Variants in ST6GALNAC5 observed in about 807,000 individuals in gnomAD.
The protein encoded by ST6GALNAC5 is alpha-N-acetylgalactosaminide alpha-2,6-sialyltransferase 5.
Under a neutral mutation model 33.6 loss-of-function variants are expected in ST6GALNAC5, and 27 were observed. The observed-to-expected ratio is 0.80, with a 90% CI of 0.59 to 1.11. The LOEUF (loss-of-function observed/expected upper bound fraction) is 1.11, where lower values mean the gene tolerates loss of function less well. Among genes scored for constraint, ST6GALNAC5 ranks in the 50% least tolerant of loss-of-function variants. The pLI is 0.00. For synonymous variants in ST6GALNAC5, 194 were observed against 171.2 expected (o/e 1.13, Z -1.04); for missense variants, 428 against 454.0 (o/e 0.94, Z 0.52).
intron 2 of ST6GALNAC5, among the ~76,000 whole-genome samples, chr1:76,882,522 C>T (rs1038483790): frequency 2.0e-5 from 3 of 152,038 alleles, no homozygotes; most frequent in African/African-American, 7.2e-5. Flanking sequence ...GAAAATTAAC[C>T]CTGATCATTG....
chr1:77,054,481 C>G (rs1403716340), intron 4 of ST6GALNAC5, among the ~76,000 whole-genome samples: 1 of 152,190 alleles, frequency 6.6e-6, no homozygotes, highest in African/African-American at 2.4e-5. Context: ...AGAACTTTAA[C>G]AACCTCTGGT....
chr1:76,995,907 G>C (rs1330942453), intron 2 of ST6GALNAC5, among the ~76,000 whole-genome samples: 37 of 152,186 alleles, frequency 2.4e-4, no homozygotes, highest in Admixed American at 2.4e-3. Flanking sequence ...AGCCGAAGAG[G>C]AGATGAAAAC....
At chr1:76,975,683 G>A (rs956895061) in intron 2 of ST6GALNAC5, among the ~76,000 whole-genome samples, 4 of 152,166 alleles carry the variant, frequency 2.6e-5, no homozygotes, top group Non-Finnish European at 4.4e-5. Context: ...AATATGTACT[G>A]TGTGATATGA....
chr1:77,065,504 AT>A lies in ST6GALNAC5; in HGVS notation c.*2304del, dbSNP rs1293547638. The A allele has an allele frequency of 6.6e-6, 1 of 152,306 alleles. No individual in the cohort carries two copies. The highest frequency in any genetic ancestry group is 2.4e-5 in the African/African-American group (1 of 41,560). 9.4% of individuals were successfully genotyped at this position (152,306 alleles called of 1,614,324 possible). A position where few individuals can be genotyped will look rare whatever the true frequency, so the allele number is the denominator to read the frequency against. Reference sequence around the variant, plus strand: ...ATGTAGCTAGGATATGTGATTTCATATTTTTTAAAAATGTGGTGTAAATAAG... The same window carrying A: ...ATGTAGCTAGGATATGTGATTTCATATTTTTAAAAATGTGGTGTAAATAAG... On this transcript the variant is annotated 3_prime_UTR_variant, in exon 5 of 5. Transcript: ENST00000477717.
At chr1:76,986,228 A>T (rs1264164666) in intron 2 of ST6GALNAC5, among the ~76,000 whole-genome samples, 1 of 152,114 alleles carries the variant, frequency 6.6e-6, no homozygotes, top group Non-Finnish European at 1.5e-5. Context: ...TGAGCAGACA[A>T]CCTAAAGAGT....
At chr1:76,925,544 T>C (rs1413528013) in intron 2 of ST6GALNAC5, among the ~76,000 whole-genome samples, 1 of 152,050 alleles carries the variant, frequency 6.6e-6, no homozygotes, top group Non-Finnish European at 1.5e-5. Flanking sequence ...TGGAAATGCC[T>C]TCAGGAGTTT....
At chr1:77,002,437 A>C (rs1052296816) in intron 2 of ST6GALNAC5, among the ~76,000 whole-genome samples, 1 of 152,084 alleles carries the variant, frequency 6.6e-6, no homozygotes, top group African/African-American at 2.4e-5. Flanking sequence ...CTTTCAAAAA[A>C]CCAGCTCCTG....
At chr1:77,054,881 T>C (rs571814142) in intron 4 of ST6GALNAC5, among the ~76,000 whole-genome samples, 2 of 152,234 alleles carry the variant, frequency 1.3e-5, no homozygotes, top group Admixed American at 1.3e-4. Context: ...TAGCATTGCA[T>C]TCACATTTAA....
chr1:76,902,814 G>T (rs886854952), intron 2 of ST6GALNAC5, among the ~76,000 whole-genome samples: 2 of 152,094 alleles, frequency 1.3e-5, no homozygotes, highest in African/African-American at 4.8e-5. Flanking sequence ...ATGGTGCTAG[G>T]ATGATTGTAT....
chr1:77,018,130 G>A (rs990296863), intron 2 of ST6GALNAC5, among the ~76,000 whole-genome samples: 1 of 152,192 alleles, frequency 6.6e-6, no homozygotes, highest in Non-Finnish European at 1.5e-5. Context: ...AGAAGAAGAA[G>A]ACTGTATCAG....
At chr1:76,894,259 T>C (rs1654075817) in intron 2 of ST6GALNAC5, among the ~76,000 whole-genome samples, 1 of 152,224 alleles carries the variant, frequency 6.6e-6, no homozygotes, top group African/African-American at 2.4e-5. Context: ...GAATCTACTT[T>C]GGAGCTGCAT....
chr1:77,023,855 G>C (rs1651140742), intron 2 of ST6GALNAC5, among the ~76,000 whole-genome samples: 1 of 152,198 alleles, frequency 6.6e-6, no homozygotes, highest in South Asian at 2.1e-4. Context: ...GGGGCCGGAT[G>C]GGGGTAGTCA....
intron 2 of ST6GALNAC5, among the ~76,000 whole-genome samples, chr1:76,942,797 C>T (rs556917235): frequency 7.9e-4 from 120 of 152,246 alleles, no homozygotes; most frequent in African/African-American, 2.7e-3. Flanking sequence ...GTCCCCTCTC[C>T]TGTCATTCTC....
intron 2 of ST6GALNAC5, among the ~76,000 whole-genome samples, chr1:76,874,153 T>A (rs775405022): frequency 3.9e-5 from 6 of 152,254 alleles, no homozygotes; most frequent in Non-Finnish European, 8.8e-5. Flanking sequence ...TATTCCACTC[T>A]TTATTAGCCT....
intron 2 of ST6GALNAC5, among the ~76,000 whole-genome samples, chr1:77,003,386 T>C (rs1484725902): frequency 6.7e-6 from 1 of 149,112 alleles, no homozygotes; most frequent in Non-Finnish European, 1.5e-5. Context: ...TATGTGTGTC[T>C]CTGCACGTGA....
At chr1:76,928,810 C>T (rs1414122382) in intron 2 of ST6GALNAC5, among the ~76,000 whole-genome samples, 1 of 152,076 alleles carries the variant, frequency 6.6e-6, no homozygotes, top group African/African-American at 2.4e-5. Flanking sequence ...TGTTCCACAC[C>T]TACACTGCAA....
chr1:76,915,909 GATAA>G (rs1557721773), intron 2 of ST6GALNAC5, among the ~76,000 whole-genome samples: 1 of 149,452 alleles, frequency 6.7e-6, no homozygotes, highest in Non-Finnish European at 1.5e-5. Context: ...AACTTCCTTG[GATAA>G]TAATAATAAT....
At chr1:76,870,571 A>G (rs1653478445) in intron 2 of ST6GALNAC5, among the ~76,000 whole-genome samples, 1 of 152,198 alleles carries the variant, frequency 6.6e-6, no homozygotes, top group Non-Finnish European at 1.5e-5. Context: ...AATATGTTTG[A>G]TTTCAATTTT....
intron 2 of ST6GALNAC5, among the ~76,000 whole-genome samples, chr1:76,977,866 T>C (rs1184869174): frequency 1.3e-5 from 2 of 152,290 alleles, no homozygotes; most frequent in African/African-American, 2.4e-5. Context: ...TATCATATGA[T>C]AGTTCTATTT....
Sources: gnomAD v4.1 joint callset for allele counts (sites outside exome capture counted in the v4.1 genomes callset) on GRCh38, gnomAD v4.1.1 for gene constraint, MANE v1.5 for transcripts, NCBI Gene and HGNC (gene_info 2026-07-23, HGNC 2026-07-21) for gene names.